Variants in MTMR3 observed in about 807,000 individuals in gnomAD.
The protein encoded by MTMR3 is phosphatidylinositol-3,5-bisphosphate 3-phosphatase MTMR3.
In MTMR3, 32 loss-of-function variants were observed where a neutral mutation model predicts 132.4. The ratio of observed to expected loss-of-function variants is 0.24; its 90% CI spans 0.18 to 0.32. MTMR3 has a LOEUF of 0.32. Ranked by LOEUF, MTMR3 falls within the 10% of genes least tolerant of loss-of-function variation. MTMR3 has a pLI of 1.00. For missense variants in MTMR3, 1,216 were observed against 1,489.6 expected (o/e 0.82, Z 3.02); for synonymous variants, 556 against 550.3 (o/e 1.01, Z -0.14).
chr22:29,929,233 A>G lies in MTMR3; in HGVS notation c.-137-27803A>G, dbSNP rs184743484. Among the ~76,000 whole-genome samples, 182 of 152,128 alleles carry G rather than the reference A, an allele frequency of 1.2e-3. 1 individual carries two copies. The highest frequency in any genetic ancestry group is 3.7e-3 in the South Asian group (18 of 4,820). On this transcript the variant is annotated intron_variant, in intron 1 of 19. Transcript: ENST00000401950. ...GAGGCAGAGGTTGCAGTGAGCTGAG[A>G]TTGTGCCATTACACTCCAGCCTGGG...
intron 2 of MTMR3, among the ~76,000 whole-genome samples, chr22:29,962,935 G>T (rs1316858847): frequency 4.1e-5 from 6 of 146,974 alleles, no homozygotes; most frequent in African/African-American, 1.5e-4. Flanking sequence ...TTGAGACAGG[G>T]TCTCACTCTG....
intron 1 of MTMR3, among the ~76,000 whole-genome samples, chr22:29,911,151 A>C (rs1389468968): frequency 6.6e-6 from 1 of 152,144 alleles, no homozygotes; most frequent in African/African-American, 2.4e-5. Flanking sequence ...GGAGCATGAG[A>C]TAGAGATGGA....
intron 1 of MTMR3, among the ~76,000 whole-genome samples, chr22:29,914,330 T>C (rs1431986018): frequency 1.3e-5 from 2 of 152,218 alleles, no homozygotes; most frequent in Non-Finnish European, 2.9e-5. Context: ...ATCATGGTTT[T>C]AGTTTGTAAT....
chr22:30,008,114 G>A, intron 11 of MTMR3, 82 bp downstream of exon 11: 5 of 1,547,782 alleles, frequency 3.2e-6, no homozygotes, highest in East Asian at 4.6e-5. Flanking sequence ...TTCCCAATTT[G>A]AAATAAGTGG....
At chr22:30,001,663 G>A (rs1370948247) in intron 8 of MTMR3, 1 of 152,166 alleles carries the variant, frequency 6.6e-6, no homozygotes, top group Non-Finnish European at 1.5e-5. Flanking sequence ...CTACTACAAA[G>A]GTAGAAGAGT....
chr22:29,976,704 C>T (rs556232652), intron 3 of MTMR3, among the ~76,000 whole-genome samples: 21 of 152,044 alleles, frequency 1.4e-4, no homozygotes, highest in East Asian at 1.4e-3. Context: ...GCAATAATAC[C>T]GTAATATTAT....
intron 8 of MTMR3, chr22:30,000,205 T>TA (rs1660950911): frequency 6.6e-6 from 1 of 151,944 alleles, no homozygotes; most frequent in African/African-American, 2.4e-5. Context: ...CTCACGCCTG[T>TA]AATCCCAGCA....
chr22:29,948,840 C>CA (rs1569019314), intron 1 of MTMR3, among the ~76,000 whole-genome samples: 1 of 150,786 alleles, frequency 6.6e-6, no homozygotes, highest in Non-Finnish European at 1.5e-5. Flanking sequence ...TGCTATGACT[C>CA]ATGCCTGTAA....
chr22:29,939,672 G>A (rs1038747088), intron 1 of MTMR3, among the ~76,000 whole-genome samples: 8 of 151,790 alleles, frequency 5.3e-5, no homozygotes, highest in African/African-American at 1.2e-4. Context: ...AATAAGAACC[G>A]TAATTGGCGT....
At chr22:30,015,609 C>T (rs1230195563) in intron 14 of MTMR3, 1 of 150,974 alleles carries the variant, frequency 6.6e-6, no homozygotes. Context: ...TTTACTGGTA[C>T]CACACTGGTT....
intron 1 of MTMR3, among the ~76,000 whole-genome samples, chr22:29,917,263 G>A (rs737938): frequency 0.92 from 140,419 of 152,256 alleles, 64,822 homozygotes; most frequent in East Asian, 1. Context: ...TATAGACTTC[G>A]GTTTTGTATT....
intron 12 of MTMR3, chr22:30,010,293 C>T (rs968147393): frequency 6.6e-6 from 1 of 152,320 alleles, no homozygotes; most frequent in African/African-American, 2.4e-5. Flanking sequence ...ATCAACACTA[C>T]ATGATCTAAT....
intron 1 of MTMR3, among the ~76,000 whole-genome samples, chr22:29,913,305 G>A (rs2065249046): frequency 6.6e-6 from 1 of 152,112 alleles, no homozygotes; most frequent in African/African-American, 2.4e-5. Context: ...CATTCCTAAA[G>A]CGTACATTCC....
In MTMR3 at chr22:29,971,024, G is replaced by C. The variant is rs1412816725; in HGVS notation, c.-36G>C. The C allele has an allele frequency of 1.3e-6, 2 of 1,586,666 alleles. No individual in the cohort carries two copies. Among genetic ancestry groups the C allele is most frequent in the African/African-American group, 2.8e-5 (2 of 72,140 alleles). The stretch of plus-strand genomic sequence containing the variant: ...GAGCCTTGTTGGACACTGAAGAAGG[G>C]ACGGGGATTTCTCCTCCTAATCTGG... On this transcript the variant is annotated 5_prime_UTR_variant, in exon 3 of 20. Coordinates refer to ENST00000401950, the MANE Select transcript of MTMR3 (RefSeq NM_021090.4).
intron 2 of MTMR3, 32 bp from the exon 3 acceptor site, chr22:29,970,944 T>TTTCTTCTTTCCCC: frequency 2.6e-6 from 2 of 782,738 alleles, no homozygotes; most frequent in Non-Finnish European, 1.9e-6. Context: ...TCTTTTTTTT[T>TTTCTTCTTTCCCC]TCTTCTTCCC....
rs896453381 is a variant in MTMR3, at chr22:29,993,383, A to G, written c.460+1713A>G. On this transcript the variant is annotated intron_variant, in intron 7 of 19. Transcript: ENST00000401950. The stretch of plus-strand genomic sequence containing the variant: ...AAACAGTGATGTGTACAAATCTTAC[A>G]TGTACAGTTTCTGAGTTTTTAACCA... The G allele has an allele frequency of 2.6e-5, 4 of 152,192 alleles. No homozygotes were observed. The East Asian group carries it at 7.7e-4, about 29-fold the overall frequency. The allele number at this position is 152,192 out of a possible 1,614,324, so 9.4% of individuals were successfully genotyped here.
intron 1 of MTMR3, among the ~76,000 whole-genome samples, chr22:29,942,618 G>A (rs1044339117): frequency 6.6e-6 from 1 of 152,166 alleles, no homozygotes; most frequent in African/African-American, 2.4e-5. Context: ...TCCCCAAAGC[G>A]GCCATTTCAG....
chr22:29,949,051 T>TCATGC (rs927537644), intron 1 of MTMR3, among the ~76,000 whole-genome samples: 16 of 136,922 alleles, frequency 1.2e-4, no homozygotes, highest in African/African-American at 4.4e-4. Context: ...TGAGCCACAA[T>TCATGC]CATGCCACTG....
chr22:29,970,155 T>G (rs1284321689), intron 2 of MTMR3, among the ~76,000 whole-genome samples: 1 of 152,214 alleles, frequency 6.6e-6, no homozygotes, highest in Non-Finnish European at 1.5e-5. Context: ...AAGGTATTAG[T>G]ACAGATTGTA....
Sources: allele counts gnomAD v4.1 joint callset (sites outside exome capture counted in the v4.1 genomes callset), GRCh38; gene constraint gnomAD v4.1.1; transcripts MANE v1.5; gene names NCBI Gene and HGNC (gene_info 2026-07-23, HGNC 2026-07-21).